The following SCAI variants were observed in gnomAD, a reference collection of about 807,000 sequenced individuals.
SCAI encodes suppressor of cancer cell invasion, also known as protein SCAI.
In SCAI, 24 loss-of-function variants were observed where a neutral mutation model predicts 92.2. That is an observed-to-expected ratio of 0.26 (90% confidence interval 0.19 to 0.37). The LOEUF (loss-of-function observed/expected upper bound fraction) is 0.37, where lower values mean the gene tolerates loss of function less well. SCAI is among the 10% of genes least tolerant of loss of function. The pLI is 1.00. For synonymous variants in SCAI, 261 were observed against 258.6 expected (o/e 1.01, Z -0.09); for missense variants, 450 against 736.2 (o/e 0.61, Z 4.50).
intron 17 of SCAI, among the ~76,000 whole-genome samples, chr9:124,962,482 C>G (rs1409127265): frequency 6.6e-6 from 1 of 151,890 alleles, no homozygotes; most frequent in Non-Finnish European, 1.5e-5. Context: ...CTTATAGCAA[C>G]CTTGCACCTA....
chr9:125,007,145 G>A (rs545669605), intron 9 of SCAI, among the ~76,000 whole-genome samples: 3 of 152,052 alleles, frequency 2.0e-5, no homozygotes, highest in Admixed American at 2.0e-4. Context: ...AGAGAATGCT[G>A]GGGGATTTGA....
chr9:124,961,655 A>C (rs192509617), intron 17 of SCAI, among the ~76,000 whole-genome samples: 1 of 151,638 alleles, frequency 6.6e-6, no homozygotes, highest in Non-Finnish European at 1.5e-5. Flanking sequence ...ATCTCAAAAA[A>C]AAAAAAAAAA....
At chr9:125,024,379 G>A (rs1259011471) in intron 6 of SCAI, among the ~76,000 whole-genome samples, 2 of 151,490 alleles carry the variant, frequency 1.3e-5, no homozygotes, top group African/African-American at 4.9e-5. Context: ...CGGTTCAAGC[G>A]ATTCTCATGC....
At chr9:125,112,627 T>C (rs574176603) in intron 2 of SCAI, among the ~76,000 whole-genome samples, 2 of 152,328 alleles carry the variant, frequency 1.3e-5, no homozygotes, top group African/African-American at 2.4e-5. Context: ...TCATCAATCA[T>C]CACAGGAATG....
rs1320012389 is a variant in SCAI, at chr9:125,107,226, T to C, written c.98+35407A>G. Among the ~76,000 whole-genome samples, 9 of 151,620 alleles carry C rather than the reference T, an allele frequency of 5.9e-5. No individual in the cohort carries two copies. In the South Asian group the frequency reaches 1.7e-3, roughly 28 times the overall value. ...GAGATCGAGACCATCCTGGCCAACA[T>C]AGTGAAACCCCGTCTCTACTAGAAA... On this transcript the variant is annotated intron_variant, in intron 2 of 17. Coordinates refer to ENST00000336505, the MANE Select transcript of SCAI (RefSeq NM_001144877.3).
intron 2 of SCAI, among the ~76,000 whole-genome samples, chr9:125,108,451 C>T (rs1459499382): frequency 6.6e-6 from 1 of 151,308 alleles, no homozygotes; most frequent in Non-Finnish European, 1.5e-5. Context: ...GGCCGCCCAT[C>T]GTCTGAGATG....
intron 3 of SCAI, among the ~76,000 whole-genome samples, chr9:125,040,117 G>A (rs112118615): frequency 0.17 from 26,085 of 152,174 alleles, 2,404 homozygotes; most frequent in East Asian, 0.24. Flanking sequence ...CACTTTGGGA[G>A]GCTGAGGTGG....
At chr9:125,078,370 T>C (rs1834138609) in intron 2 of SCAI, among the ~76,000 whole-genome samples, 1 of 151,126 alleles carries the variant, frequency 6.6e-6, no homozygotes. Context: ...CTACCAAAAA[T>C]ACAAAAAATT....
chr9:124,974,097 C>A, intron 15 of SCAI: 1 of 290,818 alleles, frequency 3.4e-6, no homozygotes, highest in Non-Finnish European at 7.0e-6. Flanking sequence ...GTCTATCTGC[C>A]ACAAGACATT....
At chr9:125,026,587 C>CA (rs1213367967) in intron 6 of SCAI, among the ~76,000 whole-genome samples, 2 of 152,104 alleles carry the variant, frequency 1.3e-5, no homozygotes, top group African/African-American at 4.8e-5. Flanking sequence ...AACAATAACC[C>CA]AACCCTCCTT....
rs1025980073 is a variant in SCAI at position 124,946,289 on chromosome 9, G to A, written c.*6518C>T. The A allele has an allele frequency of 6.6e-6, 1 of 152,100 alleles. No individual in the cohort carries two copies. Among genetic ancestry groups the A allele is most frequent in the Non-Finnish European group, 1.5e-5 (1 of 68,022 alleles). 9.4% of individuals were successfully genotyped at this position (152,100 alleles called of 1,614,324 possible). ...TTAATATTTATTCAAGAAAAATGCT[G>A]TTATAATTATTTCTGAATTTAATAC... is the stretch of plus-strand genomic sequence containing the variant. On this transcript the variant is annotated 3_prime_UTR_variant, in exon 18 of 18. Transcript: ENST00000336505. The surrounding 1 kb of genome is among the most constrained non-coding windows in gnomAD (Gnocchi z 4.0).
Position 124,971,754 on chromosome 9 carries a change from C to T in SCAI, c.1490G>A (p.Arg497Lys). ...LFVSGLSSMR[R>K]GLWEKCQEYL... ...TTCTTGACACTTTTCCCATAGGCCT[C>T]TGCGCATGCTTGACAATCCAGAGAC... Residue 497 changes from arginine (R) to lysine (K), a missense_variant, in exon 16 of 18, where the codon AGA becomes AAA. Around this residue, in one of 3 missense-constraint regions of SCAI, gnomAD observed 360 missense variants for 601.8 expected, o/e 0.60. Coordinates refer to ENST00000336505, the MANE Select transcript of SCAI (RefSeq NM_001144877.3). The T allele has an allele frequency of 6.2e-7, 1 of 1,612,696 alleles. No homozygotes were observed. Among genetic ancestry groups the T allele is most frequent in the Non-Finnish European group, 8.5e-7 (1 of 1,179,634 alleles).
chr9:125,002,945 A>G (rs982641174), intron 11 of SCAI, among the ~76,000 whole-genome samples, 169 bp downstream of exon 11: 6 of 151,602 alleles, frequency 4.0e-5, no homozygotes, highest in Non-Finnish European at 7.4e-5. Context: ...AAAAAAAAAA[A>G]GAAACAAAAC....
At position 124,947,967 on chromosome 9, in the gene SCAI, A is replaced by C. The variant is rs1041782397; in HGVS notation, c.*4840T>G. The C allele has an allele frequency of 2.0e-5, 3 of 152,234 alleles. No homozygotes were observed. Among genetic ancestry groups the C allele is most frequent in the African/African-American group, 2.4e-5 (1 of 41,460 alleles). 9.4% of individuals were successfully genotyped at this position (152,234 alleles called of 1,614,324 possible). A position where few individuals can be genotyped will look rare whatever the true frequency, so the allele number is the denominator to read the frequency against. On this transcript the variant is annotated 3_prime_UTR_variant, in exon 18 of 18. Coordinates refer to ENST00000336505, the MANE Select transcript of SCAI (RefSeq NM_001144877.3). ...GTTCTCTGTATATCAGGCTGATTAC[A>C]AGTCTCCATAAATAAAATTTTTCAG... is the stretch of plus-strand genomic sequence containing the variant.
rs1345652018 is a variant in SCAI, at chr9:125,143,505, G to T, written c.-68C>A. On this transcript the variant is annotated 5_prime_UTR_variant, in exon 1 of 18. Coordinates refer to ENST00000336505, the MANE Select transcript of SCAI (RefSeq NM_001144877.3). ...GGCTCGCTCGGGAAGCTGAGGCGGC[G>T]GAGGCTGGAGTAGGCGGAGAGGCGG... 2.7e-5 allele frequency: 34 copies of T among 1,271,954 alleles called. No individual in the cohort carries two copies. The highest frequency in any genetic ancestry group is 3.4e-5 in the Non-Finnish European group (34 of 997,816). The allele number at this position is 1,271,954 out of a possible 1,614,324, so 78.8% of individuals were successfully genotyped here.
rs527784074 is a variant in SCAI at position 124,990,672 on chromosome 9, T to C, written c.1326+4262A>G. Among the ~76,000 whole-genome samples, 7 of 152,000 alleles carry C rather than the reference T, an allele frequency of 4.6e-5. No individual in the cohort carries two copies. The East Asian group carries it at 9.8e-4, about 21-fold the overall frequency. ...TCAAGAATTATCAATGCCAGTATATTATTTAGAAAAATAGTGGTTAGGGGA... is the reference window on the plus strand; with the variant it reads ...TCAAGAATTATCAATGCCAGTATATCATTTAGAAAAATAGTGGTTAGGGGA... On this transcript the variant is annotated intron_variant, in intron 14 of 17. Transcript: ENST00000336505.
At chr9:125,119,564 T>G (rs79965408) in intron 2 of SCAI, among the ~76,000 whole-genome samples, 6,307 of 152,252 alleles carry the variant, frequency 0.041, 417 homozygotes, top group African/African-American at 0.14. Context: ...AAGGTAGAAA[T>G]ACATCTTGTT....
intron 14 of SCAI, among the ~76,000 whole-genome samples, chr9:124,985,595 C>T (rs558775474): frequency 1.1e-3 from 163 of 152,284 alleles, no homozygotes; most frequent in African/African-American, 3.8e-3. Context: ...CAGCTGGGCA[C>T]GGTGGCTCAC....
At chr9:125,076,673 T>C (rs938019953) in intron 2 of SCAI, among the ~76,000 whole-genome samples, 1 of 152,052 alleles carries the variant, frequency 6.6e-6, no homozygotes, top group African/African-American at 2.4e-5. Context: ...GAGACCAGTC[T>C]GGCCAACATC....
Sources: gnomAD v4.1 joint callset for allele counts (sites outside exome capture counted in the v4.1 genomes callset) on GRCh38, gnomAD v4.1.1 for gene constraint, gnomAD v4.1.1 regional missense constraint, Gnocchi (gnomAD v3.1) non-coding constraint, MANE v1.5 for transcripts, NCBI Gene and HGNC (gene_info 2026-07-23, HGNC 2026-07-21) for gene names.